FMNL3: variants seen among roughly 807,000 people sequenced by gnomAD.
FMNL3 encodes formin-like protein 3.
Under a neutral mutation model 119.6 loss-of-function variants are expected in FMNL3, and 57 were observed. The observed-to-expected ratio is 0.48, with a 90% CI of 0.39 to 0.59. FMNL3 has a LOEUF of 0.59. Ranked by LOEUF, FMNL3 falls within the 20% of genes least tolerant of loss-of-function variation. The probability of loss-of-function intolerance (pLI) is 0.00; values close to 1 mark genes in which losing one functional copy is unlikely to be tolerated. For synonymous variants in FMNL3, 491 were observed against 507.3 expected (o/e 0.97, Z 0.43); for missense variants, 1,053 against 1,323.5 (o/e 0.80, Z 3.17).
rs376744590 is a variant in FMNL3, at chr12:49,657,819, A to G, written c.605+623T>C. On this transcript the variant is annotated intron_variant, in intron 6 of 25. Transcript: ENST00000335154. ...AAGCATGGCCACAAGAGAGACAGAA[A>G]CCAAGGAAAGGGCCATGGGACCCAA... is the stretch of plus-strand genomic sequence containing the variant. Among the ~76,000 whole-genome samples the G allele has an allele frequency of 2.6e-5, 4 of 152,348 alleles. No individual in the cohort carries two copies. The East Asian group carries it at 7.7e-4, about 29-fold the overall frequency.
intron 1 of FMNL3, among the ~76,000 whole-genome samples, chr12:49,678,745 G>A (rs1331165607): frequency 6.6e-6 from 1 of 152,176 alleles, no homozygotes; most frequent in African/African-American, 2.4e-5. Context: ...CTACAGGCAT[G>A]AGCCACAGTG....
Position 49,641,879 on chromosome 12 carries a change from C to T in FMNL3, c.*3936G>A, listed in dbSNP as rs1229116803. The T allele has an allele frequency of 7.5e-6, 12 of 1,599,198 alleles. No homozygotes were observed. The highest frequency in any genetic ancestry group is 1.0e-5 in the Non-Finnish European group (12 of 1,168,942). ...AGCTTTGGCCTCAGGCACGTGGTGC[C>T]CCTGCTTCATGCACTGCTGTACCCA... On this transcript the variant is annotated 3_prime_UTR_variant, in exon 26 of 26. Transcript: ENST00000335154.
rs1942212360 is a variant in FMNL3, at chr12:49,638,820, G to A, written c.*6995C>T. The A allele has an allele frequency of 6.6e-6, 1 of 152,152 alleles. No individual in the cohort carries two copies. The highest frequency in any genetic ancestry group is 2.1e-4 in the South Asian group (1 of 4,826). The allele number at this position is 152,152 out of a possible 1,614,324, so 9.4% of individuals were successfully genotyped here. On this transcript the variant is annotated 3_prime_UTR_variant, in exon 26 of 26. Coordinates refer to ENST00000335154, the MANE Select transcript of FMNL3 (RefSeq NM_175736.5). ...AAAAAATGGTGAGTGTTCCACCAGA[G>A]TACACCTAATTACAGAGATTAAATG...
intron 17 of FMNL3, among the ~76,000 whole-genome samples, chr12:49,650,367 C>T (rs1043268556): frequency 1.3e-5 from 2 of 152,242 alleles, no homozygotes; most frequent in Non-Finnish European, 1.5e-5. Context: ...GAAGGCTTCC[C>T]TCATTCATCA....
intron 22 of FMNL3, 136 bp downstream of exon 22, chr12:49,648,057 C>G: frequency 8.5e-7 from 1 of 1,181,958 alleles, no homozygotes; most frequent in Non-Finnish European, 1.2e-6. Flanking sequence ...CCTGGCACTC[C>G]CAAAGCGCTC....
chr12:49,648,962 T>G, intron 21 of FMNL3, 67 bp downstream of exon 21: 2 of 1,524,034 alleles, frequency 1.3e-6, no homozygotes. Context: ...TTCTCTCTCC[T>G]CATAGCTTCC....
intron 1 of FMNL3, among the ~76,000 whole-genome samples, chr12:49,705,313 T>C (rs1945018110): frequency 1.3e-5 from 2 of 152,202 alleles, no homozygotes; most frequent in African/African-American, 2.4e-5. Context: ...GGTGCTCTGG[T>C]GTCCTGGTTA....
intron 2 of FMNL3, among the ~76,000 whole-genome samples, chr12:49,667,214 G>C (rs1326547429): frequency 6.6e-6 from 1 of 151,782 alleles, no homozygotes; most frequent in East Asian, 1.9e-4. Flanking sequence ...TGGAGGGGCT[G>C]AAAAATGTCC....
rs1266501807 is a variant in FMNL3 at position 49,642,615 on chromosome 12, G to A, written c.*3200C>T. 6.2e-7 allele frequency: 1 copy of A among 1,614,246 alleles called. No individual in the cohort carries two copies. The highest frequency in any genetic ancestry group is 8.5e-7 in the Non-Finnish European group (1 of 1,180,038). Reference sequence around the variant, plus strand: ...GTTTTGTGTGTGACTCAGCCTTTGAGCAGATCACCCTGGAGTCGGAGCGGA... The same window carrying A: ...GTTTTGTGTGTGACTCAGCCTTTGAACAGATCACCCTGGAGTCGGAGCGGA... On this transcript the variant is annotated 3_prime_UTR_variant, in exon 26 of 26. Transcript: ENST00000335154. The surrounding 1 kb of genome is among the most constrained non-coding windows in gnomAD (Gnocchi z 5.8).
chr12:49,693,229 G>C (rs1387320077), intron 1 of FMNL3, among the ~76,000 whole-genome samples: 1 of 152,168 alleles, frequency 6.6e-6, no homozygotes, highest in Non-Finnish European at 1.5e-5. Context: ...ATAGGGATAA[G>C]AGAGGAAAAT....
At chr12:49,699,022 C>T (rs576905726) in intron 1 of FMNL3, among the ~76,000 whole-genome samples, 71 of 152,308 alleles carry the variant, frequency 4.7e-4, no homozygotes, top group African/African-American at 1.6e-3. Flanking sequence ...AAAAGGTCCT[C>T]CCCTTCTTTA....
intron 4 of FMNL3, among the ~76,000 whole-genome samples, chr12:49,663,813 C>A (rs1165063594): frequency 6.6e-6 from 1 of 152,220 alleles, no homozygotes; most frequent in Admixed American, 6.5e-5. Context: ...CACCCCTATC[C>A]TCAGATGACT....
chr12:49,693,795 C>T (rs1007153258), intron 1 of FMNL3, among the ~76,000 whole-genome samples: 4 of 151,226 alleles, frequency 2.6e-5, no homozygotes, highest in Non-Finnish European at 4.4e-5. Flanking sequence ...ATTACAGGCA[C>T]GCACCACCAC....
chr12:49,694,286 TTAAAAA>T (rs1311755680), intron 1 of FMNL3, among the ~76,000 whole-genome samples: 1 of 152,058 alleles, frequency 6.6e-6, no homozygotes, highest in Non-Finnish European at 1.5e-5. Flanking sequence ...CAAGAAAAAA[TTAAAAA>T]TAACTCCCAG....
intron 1 of FMNL3, among the ~76,000 whole-genome samples, chr12:49,679,931 A>C (rs188135954): frequency 6.6e-6 from 1 of 151,954 alleles, no homozygotes; most frequent in Admixed American, 6.6e-5. Context: ...ATAAACATCT[A>C]CTCTGGGCCA....
chr12:49,696,925 A>G (rs912848957), intron 1 of FMNL3, among the ~76,000 whole-genome samples: 2 of 152,196 alleles, frequency 1.3e-5, no homozygotes, highest in South Asian at 2.1e-4. Context: ...TCACCCAGCT[A>G]TCACTTCCCA....
chr12:49,673,043 TGA>T (rs1449474486), intron 1 of FMNL3, among the ~76,000 whole-genome samples: 1 of 152,076 alleles, frequency 6.6e-6, no homozygotes, highest in East Asian at 1.9e-4. Context: ...ATACAGAAAG[TGA>T]GAGGTAGTTT....
chr12:49,654,137 T>C lies in FMNL3; in HGVS notation c.1071+55A>G. 2.0e-6 allele frequency: 3 copies of C among 1,506,912 alleles called. No homozygotes were observed. The South Asian group carries it at 3.4e-5, about 17-fold the overall frequency. The allele number at this position is 1,506,912 out of a possible 1,614,324, so 93.3% of individuals were successfully genotyped here. A position where few individuals can be genotyped will look rare whatever the true frequency, so the allele number is the denominator to read the frequency against. ...CTTATAAAAGAAAAATCATTTGTGA[T>C]ACGGCTAAACTGATCCCAAAGCACC... On this transcript the variant is annotated intron_variant, in intron 11 of 25. Transcript: ENST00000335154.
chr12:49,650,778 G>C lies in FMNL3; in HGVS notation c.1898C>G (p.Ala633Gly), dbSNP rs1156784645. The C allele has an allele frequency of 6.2e-7, 1 of 1,614,230 alleles. No homozygotes were observed. Among genetic ancestry groups the C allele is most frequent in the Non-Finnish European group, 8.5e-7 (1 of 1,180,044 alleles). ...CSKNKTAQKAASKVTLLEANR... is the reference protein window; with the variant it reads ...CSKNKTAQKAGSKVTLLEANR... ...GGCTTCCAACAGAGTCACCTTGCTG[G>C]CAGCTTTTTGCGCTGTCTTGTTTTT... Residue 633 changes from alanine to glycine, a missense_variant, in exon 17 of 26, where the codon GCC (alanine) becomes GGC (glycine). Physicochemically the swap from Ala to Gly is moderately conservative, Grantham distance 60. Coordinates refer to ENST00000335154, the MANE Select transcript of FMNL3 (RefSeq NM_175736.5).
Sources: allele counts gnomAD v4.1 joint callset (sites outside exome capture counted in the v4.1 genomes callset), GRCh38; gene constraint gnomAD v4.1.1; non-coding constraint Gnocchi (gnomAD v3.1); transcripts MANE v1.5; gene names NCBI Gene and HGNC (gene_info 2026-07-23, HGNC 2026-07-21).